Variants in CHMP3 observed in about 807,000 individuals in gnomAD.
CHMP3 encodes charged multivesicular body protein 3, also known as 25.1 protein.
A neutral mutation model predicts 27.4 loss-of-function variants in CHMP3; 8 were observed. The ratio of observed to expected loss-of-function variants is 0.29; its 90% CI spans 0.17 to 0.53. The LOEUF is 0.53. Among genes scored for constraint, CHMP3 ranks in the 20% least tolerant of loss-of-function variants. The pLI, the probability that CHMP3 is intolerant of heterozygous loss-of-function variation, is 0.96. For synonymous variants in CHMP3, 86 were observed against 85.5 expected, an observed-to-expected ratio of 1.01 and a Z score of -0.03; for missense variants, 208 against 271.5, an observed-to-expected ratio of 0.77 and a Z score of 1.64.
intron 1 of CHMP3, among the ~76,000 whole-genome samples, chr2:86,552,441 T>A (rs922625923): frequency 6.6e-6 from 1 of 152,100 alleles, no homozygotes; most frequent in African/African-American, 2.4e-5. Flanking sequence ...ATCAGAGAAT[T>A]AGAAAAATCA....
At chr2:86,529,863 C>T (rs775930035) in intron 2 of CHMP3, among the ~76,000 whole-genome samples, 1 of 152,108 alleles carries the variant, frequency 6.6e-6, no homozygotes, top group Non-Finnish European at 1.5e-5. Context: ...GTAGTGTTTT[C>T]TCCAATTTTT....
intron 1 of CHMP3, among the ~76,000 whole-genome samples, chr2:86,555,991 T>TA (rs1386554224): frequency 6.6e-6 from 1 of 152,218 alleles, no homozygotes; most frequent in African/African-American, 2.4e-5. Context: ...TTTTTTAACT[T>TA]AAAATATTAA....
intron 1 of CHMP3, among the ~76,000 whole-genome samples, chr2:86,556,237 A>G (rs1225736932): frequency 6.6e-6 from 1 of 152,216 alleles, no homozygotes; most frequent in East Asian, 1.9e-4. Flanking sequence ...TCAGCTACGT[A>G]GCTCCTCTCC....
intron 1 of CHMP3, among the ~76,000 whole-genome samples, chr2:86,552,470 T>C (rs541159570): frequency 4.6e-5 from 7 of 152,184 alleles, no homozygotes; most frequent in African/African-American, 7.2e-5. Context: ...AAAACCCTTA[T>C]AGAATAGCTG....
intron 1 of CHMP3, among the ~76,000 whole-genome samples, chr2:86,553,393 A>G (rs1436984101): frequency 6.6e-6 from 1 of 152,144 alleles, no homozygotes; most frequent in African/African-American, 2.4e-5. Context: ...GTGCAGTGGC[A>G]CAATCTAGGC....
At chr2:86,528,671 G>T (rs1317546871) in intron 3 of CHMP3, among the ~76,000 whole-genome samples, 1 of 152,178 alleles carries the variant, frequency 6.6e-6, no homozygotes, top group African/African-American at 2.4e-5. Context: ...ACACTGAAAG[G>T]AAACAATGTT....
At chr2:86,530,758 A>G (rs1675888784) in intron 2 of CHMP3, among the ~76,000 whole-genome samples, 1 of 152,214 alleles carries the variant, frequency 6.6e-6, no homozygotes. Context: ...TGTTTTTCAC[A>G]GTGGCTTCAT....
chr2:86,547,664 T>C (rs2104005115), intron 1 of CHMP3, among the ~76,000 whole-genome samples: 1 of 152,186 alleles, frequency 6.6e-6, no homozygotes, highest in African/African-American at 2.4e-5. Context: ...GACAAAGAGC[T>C]CAAGAAAATG....
In CHMP3 at chr2:86,524,109, C is replaced by T. The variant is rs563890498; in HGVS notation, c.286+5109G>A. 2.6e-5 allele frequency among the ~76,000 whole-genome samples: 4 copies of T among 152,108 alleles called. No individual in the cohort carries two copies. The East Asian group carries it at 7.7e-4, about 29-fold the overall frequency. On this transcript the variant is annotated intron_variant, in intron 3 of 5. Transcript: ENST00000263856. Reference sequence around the variant, plus strand: ...GGAAGGTACTAACTATTATTATCCTCAAAATGGAACATGGGAAAGGTAAGA... The same window carrying T: ...GGAAGGTACTAACTATTATTATCCTTAAAATGGAACATGGGAAAGGTAAGA...
At chr2:86,524,473 G>C (rs1248690551) in intron 3 of CHMP3, among the ~76,000 whole-genome samples, 1 of 152,084 alleles carries the variant, frequency 6.6e-6, no homozygotes, top group African/African-American at 2.4e-5. Flanking sequence ...ACACGTATAA[G>C]CTTTTTGTCA....
At chr2:86,530,208 G>A (rs569877774) in intron 2 of CHMP3, among the ~76,000 whole-genome samples, 7 of 152,082 alleles carry the variant, frequency 4.6e-5, no homozygotes, top group African/African-American at 7.2e-5. Context: ...GGCCAGGCTG[G>A]TCTCGAACTG....
At chr2:86,525,268 A>G (rs1311265479) in intron 3 of CHMP3, among the ~76,000 whole-genome samples, 6 of 152,220 alleles carry the variant, frequency 3.9e-5, no homozygotes, top group Non-Finnish European at 8.8e-5. Context: ...TTCAAAAACA[A>G]AATTAAATAC....
chr2:86,525,408 A>G (rs1432216983), intron 3 of CHMP3, among the ~76,000 whole-genome samples: 2 of 151,980 alleles, frequency 1.3e-5, no homozygotes, highest in African/African-American at 2.4e-5. Context: ...GCATATATAT[A>G]CTGTTCTCAT....
intron 1 of CHMP3, among the ~76,000 whole-genome samples, chr2:86,545,470 C>A (rs1440877537): frequency 3.9e-5 from 5 of 127,740 alleles, no homozygotes; most frequent in Non-Finnish European, 8.2e-5. Flanking sequence ...ACGGGGCGGC[C>A]GGGCAGAGGC....
At chr2:86,545,652 A>C (rs1251031313) in intron 1 of CHMP3, among the ~76,000 whole-genome samples, 2 of 143,924 alleles carry the variant, frequency 1.4e-5, no homozygotes, top group African/African-American at 5.2e-5. Flanking sequence ...CTCAGTTCCC[A>C]GACGGGGTGG....
chr2:86,514,359 A>G (rs1331102824), intron 3 of CHMP3, among the ~76,000 whole-genome samples: 5 of 152,362 alleles, frequency 3.3e-5, no homozygotes, highest in Non-Finnish European at 7.3e-5. Context: ...TATTTTATGA[A>G]GTATATGTAA....
intron 1 of CHMP3, among the ~76,000 whole-genome samples, chr2:86,556,692 C>T (rs956552145): frequency 6.6e-6 from 1 of 152,156 alleles, no homozygotes; most frequent in African/African-American, 2.4e-5. Flanking sequence ...TGTTAATTAC[C>T]CACAAGTGTG....
At chr2:86,525,601 C>T (rs933384457) in intron 3 of CHMP3, among the ~76,000 whole-genome samples, 1 of 151,276 alleles carries the variant, frequency 6.6e-6, no homozygotes, top group Non-Finnish European at 1.5e-5. Flanking sequence ...GACATTTACA[C>T]AGTAAGTTGG....
At chr2:86,511,611 G>A (rs1675111343) in intron 3 of CHMP3, 1 of 151,238 alleles carries the variant, frequency 6.6e-6, no homozygotes, top group African/African-American at 2.4e-5. Context: ...TTATATAAAG[G>A]TGGGAAGAAA....
Sources: allele counts gnomAD v4.1 joint callset (sites outside exome capture counted in the v4.1 genomes callset), GRCh38; gene constraint gnomAD v4.1.1; transcripts MANE v1.5; gene names NCBI Gene and HGNC (gene_info 2026-07-23, HGNC 2026-07-21).